IFT56: variants seen among roughly 807,000 people sequenced by gnomAD.
The protein encoded by IFT56 is intraflagellar transport protein 56.
chr7:139,169,222 C>T, the IFT56 span: 3 of 1,318,096 alleles, frequency 2.3e-6, no homozygotes, highest in South Asian at 1.2e-5. Context: ...TATGTTAGAA[C>T]CATATAGTAT....
At chr7:139,135,289 A>C in the IFT56 span, among the ~76,000 whole-genome samples, 56 of 148,122 alleles carry the variant, frequency 3.8e-4, no homozygotes, top group Middle Eastern at 3.4e-3. Context: ...AAAAAAAAAA[A>C]AAAAAAAAAC....
At chr7:139,141,327 GA>G in the IFT56 span, among the ~76,000 whole-genome samples, 16 of 151,524 alleles carry the variant, frequency 1.1e-4, no homozygotes, top group Non-Finnish European at 1.5e-5. Flanking sequence ...TCATAGGTGT[GA>G]GCATCGTATG....
chr7:139,189,202 A>G, the IFT56 span: 6 of 667,178 alleles, frequency 9.0e-6, no homozygotes, highest in Non-Finnish European at 1.6e-5. Context: ...ACAGTGAAAG[A>G]GTCTATTACC....
the IFT56 span, among the ~76,000 whole-genome samples, chr7:139,159,752 T>TA: frequency 2.0e-5 from 3 of 152,154 alleles, no homozygotes; most frequent in South Asian, 2.1e-4. Flanking sequence ...TTTTTTAAAG[T>TA]AAAAAAATAT....
the IFT56 span, among the ~76,000 whole-genome samples, chr7:139,135,470 T>C: frequency 6.6e-6 from 1 of 152,170 alleles, no homozygotes; most frequent in Non-Finnish European, 1.5e-5. Context: ...AAAATTTTGA[T>C]CAAACTTAAA....
chr7:139,178,563 A>G, the IFT56 span: 1 of 1,614,204 alleles, frequency 6.2e-7, no homozygotes, highest in Non-Finnish European at 8.5e-7. Flanking sequence ...TGCCCAAGCC[A>G]AAGCTGCAAC....
chr7:139,140,775 CAAAAAAA>C, the IFT56 span, among the ~76,000 whole-genome samples: 15,825 of 75,176 alleles, frequency 0.21, 1,931 homozygotes, highest in African/African-American at 0.42. Flanking sequence ...AACTCCACCT[CAAAAAAA>C]AAAAAAAAAA....
At chr7:139,171,697 A>G in the IFT56 span, among the ~76,000 whole-genome samples, 3 of 152,358 alleles carry the variant, frequency 2.0e-5, no homozygotes, top group Non-Finnish European at 4.4e-5. Flanking sequence ...ATCAAAATGG[A>G]TTAAAGACTG....
chr7:139,183,318 C>A, the IFT56 span, among the ~76,000 whole-genome samples: 1 of 152,128 alleles, frequency 6.6e-6, no homozygotes, highest in Admixed American at 6.5e-5. Flanking sequence ...TACGACTCAA[C>A]ATAAAGTTAT....
the IFT56 span, chr7:139,142,267 C>T: frequency 1.2e-5 from 20 of 1,613,914 alleles, no homozygotes; most frequent in Middle Eastern, 1.6e-4. Context: ...TTCAAAAAGC[C>T]GACTCCAAAA....
the IFT56 span, among the ~76,000 whole-genome samples, chr7:139,137,592 T>C: frequency 6.6e-6 from 1 of 152,252 alleles, no homozygotes; most frequent in African/African-American, 2.4e-5. Flanking sequence ...CCAGAATTGT[T>C]AGGCAACTCA....
the IFT56 span, among the ~76,000 whole-genome samples, chr7:139,182,891 A>C: frequency 3.9e-5 from 6 of 152,220 alleles, no homozygotes; most frequent in Non-Finnish European, 8.8e-5. Context: ...ATAGAAATGC[A>C]TGAGGACTGA....
the IFT56 span, among the ~76,000 whole-genome samples, chr7:139,180,649 C>G: frequency 3.3e-5 from 5 of 151,472 alleles, no homozygotes; most frequent in African/African-American, 1.2e-4. Flanking sequence ...GCAGAGGTTG[C>G]AGTGAGCCAA....
the IFT56 span, chr7:139,167,004 A>G: frequency 3.1e-6 from 2 of 638,456 alleles, no homozygotes; most frequent in Non-Finnish European, 5.7e-6. Flanking sequence ...TCCTGCCTGT[A>G]GAATCCCAGG....
chr7:139,142,279 C>G, the IFT56 span: 1 of 1,613,948 alleles, frequency 6.2e-7, no homozygotes, highest in Non-Finnish European at 8.5e-7. Flanking sequence ...ACTCCAAAAC[C>G]GCCTCCTCTT....
chr7:139,147,801 C>T, the IFT56 span, among the ~76,000 whole-genome samples: 4 of 152,118 alleles, frequency 2.6e-5, no homozygotes, highest in Admixed American at 2.6e-4. Context: ...GCCTCTCTCT[C>T]CCTTCCCAAA....
chr7:139,173,225 CTTTTTTT>C, the IFT56 span: 2 of 295,514 alleles, frequency 6.8e-6, no homozygotes, highest in Non-Finnish European at 1.2e-5. Flanking sequence ...ACAAAGTCAC[CTTTTTTT>C]TTTTTTTTTT....
the IFT56 span, chr7:139,179,438 A>G: frequency 1.6e-6 from 1 of 642,184 alleles, no homozygotes; most frequent in African/African-American, 1.8e-5. Flanking sequence ...TCTGTCCCTC[A>G]CTTTTCTTAG....
chr7:139,169,427 T>C, the IFT56 span: 1 of 1,340,734 alleles, frequency 7.5e-7, no homozygotes, highest in Non-Finnish European at 1.1e-6. Flanking sequence ...AGTTTGATTC[T>C]CTGTCTAGGG....
Sources: allele counts gnomAD v4.1 joint callset (sites outside exome capture counted in the v4.1 genomes callset), GRCh38; gene constraint gnomAD v4.1.1; transcripts MANE v1.5; gene names NCBI Gene and HGNC (gene_info 2026-07-23, HGNC 2026-07-21).